Variants in GALNT2 observed in about 807,000 individuals in gnomAD.
GALNT2 encodes the protein UDP-GalNAc:polypeptide N-acetylgalactosaminyltransferase 2.
GALNT2 carries 31 observed loss-of-function variants against 81.4 expected under a neutral mutation model. That is an observed-to-expected ratio of 0.38 (90% CI 0.29 to 0.51). The LOEUF is 0.51. Among genes scored for constraint, GALNT2 ranks in the 20% least tolerant of loss-of-function variants. GALNT2 has a pLI of 0.87. For synonymous variants in GALNT2, 303 were observed against 287.4 expected, an observed-to-expected ratio of 1.05 and a Z score of -0.55; for missense variants, 629 against 765.7, an observed-to-expected ratio of 0.82 and a Z score of 2.11.
chr1:230,131,493 C>T (rs2102813554), intron 1 of GALNT2, among the ~76,000 whole-genome samples: 1 of 152,310 alleles, frequency 6.6e-6, no homozygotes, highest in African/African-American at 2.4e-5. Flanking sequence ...TATGACTTTG[C>T]CTGTAACCTC....
At chr1:230,094,438 C>T (rs1460024415) in intron 1 of GALNT2, among the ~76,000 whole-genome samples, 2 of 152,032 alleles carry the variant, frequency 1.3e-5, no homozygotes, top group African/African-American at 4.8e-5. Flanking sequence ...AGTTTGAGAC[C>T]AGCCTGGCCA....
chr1:230,160,712 T>TA (rs199499746), intron 1 of GALNT2, among the ~76,000 whole-genome samples: 8,896 of 141,458 alleles, frequency 0.063, 787 homozygotes, highest in East Asian at 0.44. Flanking sequence ...AGACTCCATC[T>TA]AAAAAAAAAA....
At chr1:230,149,055 A>G (rs1662013039) in intron 1 of GALNT2, among the ~76,000 whole-genome samples, 1 of 151,364 alleles carries the variant, frequency 6.6e-6, no homozygotes, top group Admixed American at 6.6e-5. Context: ...TAATTTTTGC[A>G]TTTTTTGTAG....
intron 2 of GALNT2, among the ~76,000 whole-genome samples, chr1:230,184,191 C>CT (rs112931942): frequency 0.15 from 21,521 of 139,160 alleles, 1,956 homozygotes; most frequent in East Asian, 0.43. Context: ...GAAGATCAAT[C>CT]TTTTTTTTTT....
chr1:230,123,875 T>A (rs1661096219), intron 1 of GALNT2, among the ~76,000 whole-genome samples: 1 of 152,224 alleles, frequency 6.6e-6, no homozygotes, highest in Non-Finnish European at 1.5e-5. Context: ...ACTTAGCAGA[T>A]GTGATACAGA....
chr1:230,251,353 G>A (rs996275683), intron 10 of GALNT2, among the ~76,000 whole-genome samples: 3 of 152,024 alleles, frequency 2.0e-5, no homozygotes, highest in African/African-American at 4.8e-5. Flanking sequence ...GGAAAATGAG[G>A]CCACTCATTT....
At chr1:230,235,975 G>A (rs762923889) in intron 3 of GALNT2, 39 bp from the exon 4 acceptor site, 5 of 1,590,918 alleles carry the variant, frequency 3.1e-6, no homozygotes, top group Admixed American at 1.7e-5. Flanking sequence ...GGCTGCTCTG[G>A]GGGTCATTGT....
chr1:230,091,370 G>A (rs2038396), intron 1 of GALNT2, among the ~76,000 whole-genome samples: 18,927 of 151,958 alleles, frequency 0.12, 1,305 homozygotes, highest in Admixed American at 0.21. Flanking sequence ...CATTGTGCCC[G>A]GTCCTCAGCA....
intron 1 of GALNT2, among the ~76,000 whole-genome samples, chr1:230,076,406 C>T (rs1002226883): frequency 6.6e-6 from 1 of 152,160 alleles, no homozygotes; most frequent in Non-Finnish European, 1.5e-5. Flanking sequence ...TTTTCCAGCA[C>T]AGGATTTCCG....
intron 1 of GALNT2, among the ~76,000 whole-genome samples, chr1:230,088,192 G>A (rs1659953561): frequency 6.6e-6 from 1 of 152,068 alleles, no homozygotes; most frequent in Non-Finnish European, 1.5e-5. Flanking sequence ...GTGTAGTCCT[G>A]TTGTGAAACT....
Position 230,263,000 on chromosome 1 carries a change from G to A in GALNT2, c.1308G>A (p.Glu436=), listed in dbSNP as rs1207653555. The change falls in exon 13 of 16, where the codon GAG becomes GAA. Residue 436 remains glutamate, a synonymous_variant. Coordinates refer to ENST00000366672, the MANE Select transcript of GALNT2 (RefSeq NM_004481.5). ...FKWYLENVYP[E]LRVPDHQDIA... ...GGTACCTTGAAAATGTCTATCCAGA[G>A]TTAAGGTAAGTCCCCAGGGATCTGG... The A allele has an allele frequency of 6.2e-7, 1 of 1,613,508 alleles. No homozygotes were observed. The highest frequency in any genetic ancestry group is 8.5e-7 in the Non-Finnish European group (1 of 1,179,534).
intron 3 of GALNT2, among the ~76,000 whole-genome samples, chr1:230,234,927 A>G (rs1664978484): frequency 6.6e-6 from 1 of 152,308 alleles, no homozygotes; most frequent in African/African-American, 2.4e-5. Flanking sequence ...TAAAACAGCT[A>G]TTCTGACTGA....
chr1:230,136,873 G>A (rs563916354), intron 1 of GALNT2, among the ~76,000 whole-genome samples: 2 of 152,142 alleles, frequency 1.3e-5, no homozygotes, highest in South Asian at 2.1e-4. Flanking sequence ...CCGAAGAGCC[G>A]GCCGTCTGTG....
chr1:230,276,452 A>C (rs570074039), intron 15 of GALNT2, among the ~76,000 whole-genome samples: 64 of 152,272 alleles, frequency 4.2e-4, no homozygotes, highest in African/African-American at 1.5e-3. Context: ...CCAAGAGCCT[A>C]AGCCAGCTTC....
chr1:230,243,217 G>A lies in GALNT2; in HGVS notation c.608-89G>A. 1 of 1,474,386 alleles carries A rather than the reference G, an allele frequency of 6.8e-7. No homozygotes were observed. Among genetic ancestry groups the A allele is most frequent in the Non-Finnish European group, 9.0e-7 (1 of 1,113,016 alleles). The allele number at this position is 1,474,386 out of a possible 1,614,324, so 91.3% of individuals were successfully genotyped here. A position where few individuals can be genotyped will look rare whatever the true frequency, so the allele number is the denominator to read the frequency against. On this transcript the variant is annotated intron_variant, in intron 6 of 15. Transcript: ENST00000366672. This position sits in a 1 kb window ranked among gnomAD's most constrained non-coding sequence, Gnocchi z 4.2. ...TGCCCAGAAAGCAGGCTGCAGAGCT[G>A]CGGGCAGGGAGGCGTCGCCGGTTGG... is the stretch of plus-strand genomic sequence containing the variant.
intron 3 of GALNT2, among the ~76,000 whole-genome samples, chr1:230,223,190 TC>T (rs1335023896): frequency 2.4e-5 from 3 of 125,018 alleles, no homozygotes; most frequent in African/African-American, 6.9e-5. Flanking sequence ...GTTTTTCTTT[TC>T]TTTTTTTTTT....
At chr1:230,205,876 C>T (rs1664043856) in intron 3 of GALNT2, among the ~76,000 whole-genome samples, 2 of 152,172 alleles carry the variant, frequency 1.3e-5, no homozygotes, top group South Asian at 4.1e-4. Flanking sequence ...TGAAGCTTAT[C>T]TTCATACACA....
At chr1:230,262,395 G>A (rs572957355) in intron 11 of GALNT2, 178 bp from the exon 12 acceptor site, 1 of 588,088 alleles carries the variant, frequency 1.7e-6, no homozygotes, top group African/African-American at 1.9e-5. Context: ...GCTCCCCACA[G>A]GTCCAGCTCG....
At chr1:230,214,770 T>A (rs1664337302) in intron 3 of GALNT2, among the ~76,000 whole-genome samples, 1 of 152,194 alleles carries the variant, frequency 6.6e-6, no homozygotes, top group South Asian at 2.1e-4. Flanking sequence ...GTTAGATAAT[T>A]CTGCGTTTCC....
Sources: allele counts gnomAD v4.1 joint callset (sites outside exome capture counted in the v4.1 genomes callset), GRCh38; gene constraint gnomAD v4.1.1; non-coding constraint Gnocchi (gnomAD v3.1); transcripts MANE v1.5; gene names NCBI Gene and HGNC (gene_info 2026-07-23, HGNC 2026-07-21).